SLCO3A1: variants seen among roughly 807,000 people sequenced by gnomAD.
The protein encoded by SLCO3A1 is solute carrier organic anion transporter family member 3A1, also known as PGE1 transporter.
A neutral mutation model predicts 63.1 loss-of-function variants in SLCO3A1; 27 were observed. The observed-to-expected ratio is 0.43, with a 90% confidence interval of 0.32 to 0.59. The LOEUF (loss-of-function observed/expected upper bound fraction) is 0.59, where lower values mean the gene tolerates loss of function less well. SLCO3A1 is among the 20% of genes least tolerant of loss of function. The probability of loss-of-function intolerance (pLI) is 0.09; values close to 1 mark genes in which losing one functional copy is unlikely to be tolerated. For missense variants in SLCO3A1, 773 were observed against 945.8 expected (o/e 0.82, Z 2.40); for synonymous variants, 473 against 409.9 (o/e 1.15, Z -1.86).
intron 4 of SLCO3A1, among the ~76,000 whole-genome samples, chr15:92,118,099 T>A (rs1031106503): frequency 2.6e-5 from 4 of 152,218 alleles, no homozygotes; most frequent in African/African-American, 9.7e-5. Context: ...ACCAGTACAC[T>A]TAAAATCGAG....
In SLCO3A1 at chr15:92,120,457, C is replaced by A; in HGVS notation, c.1010-8C>A. On this transcript the variant is annotated splice_region_variant and splice_polypyrimidine_tract_variant and intron_variant, in intron 4 of 9. Transcript: ENST00000318445. Reference sequence around the variant, plus strand: ...GACCCTGACCATCTGCCTTCTGTCTCCCTGCAGTGATCCCGAAGGTCACCA... The same window carrying A: ...GACCCTGACCATCTGCCTTCTGTCTACCTGCAGTGATCCCGAAGGTCACCA... The A allele has an allele frequency of 6.2e-7, 1 of 1,613,826 alleles. No individual in the cohort carries two copies. The highest frequency in any genetic ancestry group is 8.5e-7 in the Non-Finnish European group (1 of 1,179,794).
At chr15:91,935,408 G>A (rs1049578174) in intron 2 of SLCO3A1, among the ~76,000 whole-genome samples, 4 of 152,186 alleles carry the variant, frequency 2.6e-5, no homozygotes, top group African/African-American at 9.7e-5. Flanking sequence ...CAGAGGCATG[G>A]AGGGAGAGAA....
At chr15:92,145,819 G>A (rs570584035) in intron 7 of SLCO3A1, among the ~76,000 whole-genome samples, 79 of 152,276 alleles carry the variant, frequency 5.2e-4, no homozygotes, top group African/African-American at 1.8e-3. Flanking sequence ...CCCAGCGTAC[G>A]TCTGCCCCCA....
intron 1 of SLCO3A1, among the ~76,000 whole-genome samples, chr15:91,879,075 C>G (rs1159345244): frequency 6.6e-6 from 1 of 152,226 alleles, no homozygotes; most frequent in Non-Finnish European, 1.5e-5. Flanking sequence ...TGAACACACA[C>G]TTCTACCCAC....
At chr15:92,047,014 T>C (rs1281236767) in intron 2 of SLCO3A1, among the ~76,000 whole-genome samples, 42 of 77,396 alleles carry the variant, frequency 5.4e-4, no homozygotes, top group Admixed American at 2.0e-3. Context: ...TATAAATATA[T>C]ATATAATATA....
intron 9 of SLCO3A1, among the ~76,000 whole-genome samples, chr15:92,157,645 G>C (rs2048388786): frequency 6.6e-6 from 1 of 151,956 alleles, no homozygotes; most frequent in South Asian, 2.1e-4. Context: ...TTGCCAGTGG[G>C]GGTTATTATT....
At chr15:91,884,957 T>C (rs1897687375) in intron 1 of SLCO3A1, among the ~76,000 whole-genome samples, 1 of 152,096 alleles carries the variant, frequency 6.6e-6, no homozygotes, top group Admixed American at 6.6e-5. Context: ...GCTGGCGAGC[T>C]CACCTGTATT....
chr15:92,014,705 G>T (rs2046406617), intron 2 of SLCO3A1, among the ~76,000 whole-genome samples: 1 of 152,114 alleles, frequency 6.6e-6, no homozygotes, highest in Non-Finnish European at 1.5e-5. Flanking sequence ...TGCCTAGTCT[G>T]CCAGGCTATA....
intron 2 of SLCO3A1, among the ~76,000 whole-genome samples, chr15:91,986,246 G>A (rs1050789555): frequency 7.9e-5 from 12 of 152,154 alleles, no homozygotes; most frequent in African/African-American, 2.4e-4. Context: ...GCTGAGCCTG[G>A]GTCAGGGGGT....
intron 2 of SLCO3A1, among the ~76,000 whole-genome samples, chr15:92,053,615 G>A (rs1455634437): frequency 6.6e-6 from 1 of 151,884 alleles, no homozygotes; most frequent in Non-Finnish European, 1.5e-5. Context: ...GCCCTTGACA[G>A]CGTTGAGGAG....
intron 1 of SLCO3A1, among the ~76,000 whole-genome samples, chr15:91,906,487 C>T (rs1290625091): frequency 6.6e-6 from 1 of 152,210 alleles, no homozygotes; most frequent in Non-Finnish European, 1.5e-5. Flanking sequence ...ATGCATTTGA[C>T]AGGAAGCCGG....
At chr15:92,093,431 G>A (rs978695710) in intron 2 of SLCO3A1, among the ~76,000 whole-genome samples, 19 of 152,056 alleles carry the variant, frequency 1.2e-4, no homozygotes, top group African/African-American at 4.6e-4. Flanking sequence ...ATTCATAAGG[G>A]GTCTGCCCCC....
chr15:91,915,886 T>C (rs1403287542), intron 1 of SLCO3A1, 107 bp from the exon 2 acceptor site: 1 of 920,730 alleles, frequency 1.1e-6, no homozygotes, highest in Non-Finnish European at 1.7e-6. Flanking sequence ...GGAGGCCAGG[T>C]GGGAGGGTCC....
At chr15:91,995,622 G>T (rs1268034916) in intron 2 of SLCO3A1, among the ~76,000 whole-genome samples, 1 of 151,902 alleles carries the variant, frequency 6.6e-6, no homozygotes, top group South Asian at 2.1e-4. Context: ...AGCAGACAGA[G>T]CCTTGGATGC....
intron 4 of SLCO3A1, among the ~76,000 whole-genome samples, chr15:92,110,058 C>G (rs1467729448): frequency 2.0e-5 from 3 of 152,192 alleles, no homozygotes; most frequent in Non-Finnish European, 2.9e-5. Context: ...CAAAGCCCTT[C>G]CTGTGTCTGA....
At chr15:92,060,531 G>T (rs1001900745) in intron 2 of SLCO3A1, among the ~76,000 whole-genome samples, 1 of 151,110 alleles carries the variant, frequency 6.6e-6, no homozygotes, top group Non-Finnish European at 1.5e-5. Context: ...ACGGACTCTC[G>T]CTCTGTCACC....
At chr15:91,871,270 G>A (rs969901399) in intron 1 of SLCO3A1, among the ~76,000 whole-genome samples, 5 of 152,154 alleles carry the variant, frequency 3.3e-5, no homozygotes, top group South Asian at 2.1e-4. Context: ...GTAGCAGGTC[G>A]TATGCTGGGT....
chr15:92,048,040 A>T (rs537754317), intron 2 of SLCO3A1, among the ~76,000 whole-genome samples: 11 of 152,032 alleles, frequency 7.2e-5, no homozygotes, highest in Admixed American at 2.0e-4. Context: ...GACCACAGCC[A>T]TTTGCCTGGA....
At chr15:91,893,485 C>A (rs934183921) in intron 1 of SLCO3A1, among the ~76,000 whole-genome samples, 1 of 152,150 alleles carries the variant, frequency 6.6e-6, no homozygotes, top group African/African-American at 2.4e-5. Flanking sequence ...CTCATTGTGT[C>A]CTCACCAGGC....
Sources: gnomAD v4.1 joint callset for allele counts (sites outside exome capture counted in the v4.1 genomes callset) on GRCh38, gnomAD v4.1.1 for gene constraint, MANE v1.5 for transcripts, NCBI Gene and HGNC (gene_info 2026-07-23, HGNC 2026-07-21) for gene names.